LIN28B: variants seen among roughly 807,000 people sequenced by gnomAD.
LIN28B encodes the protein lin-28 RNA binding posttranscriptional regulator B, also known as protein lin-28 homolog B.
Under a neutral mutation model 21.9 loss-of-function variants are expected in LIN28B, and 5 were observed. The observed-to-expected ratio is 0.23, with a 90% CI of 0.12 to 0.48. The LOEUF is 0.48. LIN28B is among the 20% of genes least tolerant of loss of function. LIN28B has a pLI of 0.98. For synonymous variants in LIN28B, 109 were observed against 111.3 expected (o/e 0.98, Z 0.13); for missense variants, 245 against 310.5 (o/e 0.79, Z 1.58).
At chr6:105,064,574 G>A (rs1772185279) in intron 3 of LIN28B, among the ~76,000 whole-genome samples, 1 of 152,140 alleles carries the variant, frequency 6.6e-6, no homozygotes, top group Non-Finnish European at 1.5e-5. Context: ...CAAATTACAT[G>A]TCAAACACAT....
intron 3 of LIN28B, among the ~76,000 whole-genome samples, chr6:105,046,075 G>A (rs1771753603): frequency 6.6e-6 from 1 of 152,036 alleles, no homozygotes. Flanking sequence ...GTGCAGGTTT[G>A]TTACATATGT....
intron 3 of LIN28B, among the ~76,000 whole-genome samples, chr6:105,067,993 G>A (rs1399685776): frequency 2.6e-5 from 4 of 151,858 alleles, no homozygotes; most frequent in Admixed American, 6.6e-5. Context: ...CCCATTCCCC[G>A]CATTTTTCCT....
At chr6:105,048,261 C>T (rs1414897894) in intron 3 of LIN28B, among the ~76,000 whole-genome samples, 5 of 152,204 alleles carry the variant, frequency 3.3e-5, no homozygotes, top group Admixed American at 2.6e-4. Flanking sequence ...GCCTTTTCTG[C>T]ATCTATTGAG....
chr6:105,033,509 T>C (rs1008699722), intron 3 of LIN28B, among the ~76,000 whole-genome samples: 3 of 152,076 alleles, frequency 2.0e-5, no homozygotes, highest in African/African-American at 7.2e-5. Context: ...TAATTTAGCG[T>C]CCACTTACAA....
Position 104,991,174 on chromosome 6 carries a change from C to T in LIN28B, c.198+32888C>T, listed in dbSNP as rs1277225215. 7.0e-5 allele frequency among the ~76,000 whole-genome samples: 10 copies of T among 143,532 alleles called. No individual in the cohort carries two copies. In the Middle Eastern group the frequency reaches 0.028, roughly 406 times the overall value. 94.2% of individuals were successfully genotyped at this position (143,532 alleles called of 152,430 possible). On this transcript the variant is annotated intron_variant, in intron 2 of 3. Coordinates refer to ENST00000345080, the MANE Select transcript of LIN28B (RefSeq NM_001004317.4). ...CCCCCCCACCTCCCGGACAGGGCGGCGGCCAGGCGGAGACGCCCCCCACCT... is the reference window on the plus strand; with the variant it reads ...CCCCCCCACCTCCCGGACAGGGCGGTGGCCAGGCGGAGACGCCCCCCACCT...
chr6:104,957,610 G>C (rs1778309534), intron 1 of LIN28B, among the ~76,000 whole-genome samples: 1 of 151,728 alleles, frequency 6.6e-6, no homozygotes, highest in Non-Finnish European at 1.5e-5. Flanking sequence ...AAAGTTATGG[G>C]GGGGAGGGGA....
intron 2 of LIN28B, among the ~76,000 whole-genome samples, chr6:104,976,689 T>C (rs1338636675): frequency 6.6e-6 from 1 of 152,044 alleles, no homozygotes; most frequent in African/African-American, 2.4e-5. Flanking sequence ...ACCTAGGAAA[T>C]TGTCAGCCTG....
At chr6:104,950,516 CTTTTTT>C (rs74879333) in intron 3 of LIN28B, 2 of 1,035,988 alleles carry the variant, frequency 1.9e-6, no homozygotes, top group East Asian at 7.0e-5. Context: ...CCAGGTTAGT[CTTTTTT>C]TTTTTTTTTA....
chr6:105,007,647 C>G (rs1275430031), intron 2 of LIN28B, among the ~76,000 whole-genome samples: 1 of 151,680 alleles, frequency 6.6e-6, no homozygotes, highest in Non-Finnish European at 1.5e-5. Flanking sequence ...ACCTTAGCCT[C>G]CTGAATAGCT....
At chr6:105,002,549 A>G (rs1483003879) in intron 2 of LIN28B, among the ~76,000 whole-genome samples, 4 of 152,176 alleles carry the variant, frequency 2.6e-5, no homozygotes, top group Non-Finnish European at 5.9e-5. Context: ...CACAGTTGCA[A>G]GAACAGTATT....
At chr6:105,044,912 A>G (rs1771717387) in intron 3 of LIN28B, among the ~76,000 whole-genome samples, 1 of 152,166 alleles carries the variant, frequency 6.6e-6, no homozygotes, top group Admixed American at 6.6e-5. Flanking sequence ...TGCACATGTA[A>G]TCTCAGCTAC....
At chr6:105,002,905 T>C (rs1382658550) in intron 2 of LIN28B, among the ~76,000 whole-genome samples, 2 of 152,198 alleles carry the variant, frequency 1.3e-5, no homozygotes, top group Admixed American at 1.3e-4. Context: ...GTTGGGCTTC[T>C]GGGCAACAGC....
rs1209627345 is a variant in LIN28B, at chr6:105,081,908, G to A, written c.*3125G>A. On this transcript the variant is annotated 3_prime_UTR_variant, in exon 4 of 4. Coordinates refer to ENST00000345080, the MANE Select transcript of LIN28B (RefSeq NM_001004317.4). Reference sequence around the variant, plus strand: ...CACTGGCTTGCCAAGGAATGAACATGCAATGCCATTACTAGCTATTGAGGG... The same window carrying A: ...CACTGGCTTGCCAAGGAATGAACATACAATGCCATTACTAGCTATTGAGGG... 6.6e-6 allele frequency: 1 copy of A among 152,654 alleles called. No individual in the cohort carries two copies. Among genetic ancestry groups the A allele is most frequent in the Middle Eastern group, 3.2e-3 (1 of 316 alleles). The allele number at this position is 152,654 out of a possible 1,614,324, so 9.5% of individuals were successfully genotyped here.
chr6:105,055,948 G>A (rs1473039515), intron 3 of LIN28B, among the ~76,000 whole-genome samples: 1 of 124,622 alleles, frequency 8.0e-6, no homozygotes, highest in Non-Finnish European at 1.6e-5. Context: ...TTTGGGTAGA[G>A]ACTGGATTTT....
At chr6:105,062,069 C>G (rs1772131018) in intron 3 of LIN28B, among the ~76,000 whole-genome samples, 1 of 152,032 alleles carries the variant, frequency 6.6e-6, no homozygotes, top group Non-Finnish European at 1.5e-5. Flanking sequence ...ATCTCTGCAT[C>G]TATTTAAACC....
At chr6:105,071,077 GTGTTGGCC>G (rs1772324522) in intron 3 of LIN28B, among the ~76,000 whole-genome samples, 1 of 152,076 alleles carries the variant, frequency 6.6e-6, no homozygotes, top group Non-Finnish European at 1.5e-5. Flanking sequence ...GAGTTTCACT[GTGTTGGCC>G]TGGCTGGTCT....
At chr6:104,982,608 G>GACC (rs965678309) in intron 2 of LIN28B, among the ~76,000 whole-genome samples, 1 of 152,152 alleles carries the variant, frequency 6.6e-6, no homozygotes, top group African/African-American at 2.4e-5. Context: ...CATACTTGGT[G>GACC]AACATTGACC....
In LIN28B at chr6:105,078,205, CAACT is replaced by C. The variant is rs145283682; in HGVS notation, c.384-206_384-203del. Among the ~76,000 whole-genome samples the C allele has an allele frequency of 5.8e-3, 885 of 152,224 alleles. 3 individuals carry two copies. The highest frequency in any genetic ancestry group is 9.7e-3 in the Non-Finnish European group (662 of 68,014). ...TCACTGTGTTTAGTTGTGTCTCACA[CAACT>C]AAGTTTTTAACCTCACCAGAACATT... On this transcript the variant is annotated intron_variant, in intron 3 of 3. Transcript: ENST00000345080.
intron 3 of LIN28B, among the ~76,000 whole-genome samples, chr6:105,047,768 C>T (rs1359238522): frequency 2.0e-5 from 3 of 152,050 alleles, no homozygotes; most frequent in Non-Finnish European, 4.4e-5. Flanking sequence ...GTATTTTATT[C>T]TCTTTGAAGC....
Sources: gnomAD v4.1 joint callset for allele counts (sites outside exome capture counted in the v4.1 genomes callset) on GRCh38, gnomAD v4.1.1 for gene constraint, MANE v1.5 for transcripts, NCBI Gene and HGNC (gene_info 2026-07-23, HGNC 2026-07-21) for gene names.